Variants in LRRC61 observed in about 807,000 individuals in gnomAD.
The protein encoded by LRRC61 is leucine rich repeat containing 61.
In LRRC61, 9 loss-of-function variants were observed where a neutral mutation model predicts 15.1. The ratio of observed to expected loss-of-function variants is 0.60; its 90% confidence interval spans 0.36 to 1.04. LRRC61 has a LOEUF of 1.04. Ranked by LOEUF, LRRC61 falls within the 50% of genes least tolerant of loss-of-function variation. The pLI, the probability that LRRC61 is intolerant of heterozygous loss-of-function variation, is 0.01. For missense variants in LRRC61, 344 were observed against 335.6 expected, an observed-to-expected ratio of 1.03 and a Z score of -0.20; for synonymous variants, 173 against 158.6, an observed-to-expected ratio of 1.09 and a Z score of -0.68.
At chr7:150,311,568 T>A in the LRRC61 span, among the ~76,000 whole-genome samples, 3 of 152,176 alleles carry the variant, frequency 2.0e-5, no homozygotes. Context: ...TGGGCCCGAT[T>A]TCAACCCAGC....
In LRRC61 at chr7:150,337,624, TCTTC is replaced by T; in HGVS notation, c.768_771del (p.Phe257SerfsTer68). On this transcript the variant is annotated frameshift_variant, in exon 3 of 3. Transcript: ENST00000359623. LOFTEE classifies it high-confidence loss of function. ...GGTACTCAGCTCTGCGGGCCCCACC[TCTTC>T]CTTCGTCTTCTGAACGTGGCCTATG... The T allele has an allele frequency of 6.6e-7, 1 of 1,524,598 alleles. No individual in the cohort carries two copies. Among genetic ancestry groups the T allele is most frequent in the Non-Finnish European group, 8.8e-7 (1 of 1,138,408 alleles). 94.4% of individuals were successfully genotyped at this position (1,524,598 alleles called of 1,614,324 possible).
At chr7:150,312,878 A>T in the LRRC61 span, among the ~76,000 whole-genome samples, 1 of 152,234 alleles carries the variant, frequency 6.6e-6, no homozygotes, top group Non-Finnish European at 1.5e-5. Flanking sequence ...ATATATGTCC[A>T]GATGGCCTGC....
chr7:150,321,624 TA>T (rs771444225), upstream of LRRC61, among the ~76,000 whole-genome samples: 6 of 152,032 alleles, frequency 3.9e-5, no homozygotes, highest in Non-Finnish European at 5.9e-5. Context: ...CCTGTAGTCT[TA>T]GCTACTTGGG....
upstream of LRRC61, among the ~76,000 whole-genome samples, chr7:150,318,501 CGCCTGTAATCCCAGCACTTTG>C (rs1563215024): frequency 6.6e-6 from 1 of 152,158 alleles, no homozygotes; most frequent in Non-Finnish European, 1.5e-5. Context: ...CGGTGGCTCA[CGCCTGTAATCCCAGCACTTTG>C]GGAGGCCAAG....
chr7:150,330,567 C>T lies in LRRC61; in HGVS notation c.-145+4557C>T. 1.3e-6 allele frequency: 1 copy of T among 782,050 alleles called. No individual in the cohort carries two copies. The highest frequency in any genetic ancestry group is 1.4e-5 in the South Asian group (1 of 74,062). The allele number at this position is 782,050 out of a possible 1,614,324, so 48.4% of individuals were successfully genotyped here. ...CCAGCTGGCTGAGGGGTTGGCCCGG[C>T]AGCTCTGCACCGACTGTCAGCTCAA... On this transcript the variant is annotated intron_variant, in intron 2 of 2. Transcript: ENST00000359623. This position sits in a 1 kb window ranked among gnomAD's most constrained non-coding sequence, Gnocchi z 4.6.
At chr7:150,329,201 T>C (rs541882456) in intron 2 of LRRC61, among the ~76,000 whole-genome samples, 35 of 152,338 alleles carry the variant, frequency 2.3e-4, no homozygotes, top group African/African-American at 8.2e-4. Flanking sequence ...CCAGAAGTAT[T>C]CCTGCTATGC....
intron 1 of LRRC61, 149 bp from the exon 2 acceptor site, chr7:150,325,692 A>G (rs1797945476): frequency 1.3e-5 from 2 of 151,992 alleles, no homozygotes; most frequent in African/African-American, 2.4e-5. Flanking sequence ...GCTGGTCTCA[A>G]CCCCCTGAGT....
At chr7:150,317,503 A>G in the LRRC61 span, among the ~76,000 whole-genome samples, 1 of 152,196 alleles carries the variant, frequency 6.6e-6, no homozygotes, top group Non-Finnish European at 1.5e-5. Context: ...CACTTATGCA[A>G]TCAAGTCACT....
chr7:150,317,106 C>T, the LRRC61 span, among the ~76,000 whole-genome samples: 2 of 151,632 alleles, frequency 1.3e-5, no homozygotes, highest in African/African-American at 2.4e-5. Context: ...TTCTGTTGTG[C>T]AATGGCGTGA....
chr7:150,331,098 C>CA (rs1415686308), intron 2 of LRRC61: 7 of 1,610,244 alleles, frequency 4.3e-6, no homozygotes, highest in Non-Finnish European at 5.9e-6. Flanking sequence ...TCTTACCCCC[C>CA]ACAGGAGCCT....
chr7:150,313,753 G>A, the LRRC61 span, among the ~76,000 whole-genome samples: 4 of 152,156 alleles, frequency 2.6e-5, no homozygotes, highest in Admixed American at 6.5e-5. Context: ...GAGGGAGAGA[G>A]GGGGAGAGAG....
upstream of LRRC61, chr7:150,322,660 T>A (rs1335052736): frequency 1.3e-5 from 2 of 152,226 alleles, no homozygotes. Context: ...AAAAAATGGG[T>A]AACCAGTAGC....
chr7:150,319,499 G>A (rs899991344), upstream of LRRC61, among the ~76,000 whole-genome samples: 2 of 152,116 alleles, frequency 1.3e-5, no homozygotes, highest in African/African-American at 2.4e-5. Flanking sequence ...GAGCCACCTC[G>A]CCTGGCCCAG....
At chr7:150,323,068 A>C (rs1489497210), upstream of LRRC61, 1 of 152,902 alleles carries the variant, frequency 6.5e-6, no homozygotes, top group Non-Finnish European at 1.5e-5. Flanking sequence ...ACCTGTGACC[A>C]CCACCCAACA....
Position 150,336,614 on chromosome 7 carries a change from T to C in LRRC61, c.-144-104T>C, listed in dbSNP as rs1798299900. On this transcript the variant is annotated intron_variant, in intron 2 of 2. Transcript: ENST00000359623. Reference sequence around the variant, plus strand: ...GCTTGGTCTTCAGGTCTTGCCTGGCTGAGATTGTTGGTTTTCATGGTAAAA... The same window carrying C: ...GCTTGGTCTTCAGGTCTTGCCTGGCCGAGATTGTTGGTTTTCATGGTAAAA... 3 of 570,132 alleles carry C rather than the reference T, an allele frequency of 5.3e-6. No homozygotes were observed. In the South Asian group the frequency reaches 6.6e-5, roughly 13 times the overall value. 35.3% of individuals were successfully genotyped at this position (570,132 alleles called of 1,614,324 possible). A position where few individuals can be genotyped will look rare whatever the true frequency, so the allele number is the denominator to read the frequency against.
the LRRC61 span, among the ~76,000 whole-genome samples, chr7:150,310,378 T>A: frequency 1.8e-4 from 28 of 152,310 alleles, no homozygotes; most frequent in African/African-American, 6.5e-4. Context: ...TGAAGCCTAT[T>A]ATCACTTGCC....
At position 150,337,285 on chromosome 7, in the gene LRRC61, G is replaced by A; in HGVS notation, c.424G>A (p.Ala142Thr). 1 of 1,603,678 alleles carries A rather than the reference G, an allele frequency of 6.2e-7. No individual in the cohort carries two copies. The highest frequency in any genetic ancestry group is 8.5e-7 in the Non-Finnish European group (1 of 1,179,902). Residue 142 changes from alanine to threonine, a missense_variant, in exon 3 of 3, where the codon GCC (alanine) becomes ACC (threonine). Transcript: ENST00000359623. ...GGCCCGGCTCAGCAACCCGCTCTGT[G>A]CCAACCCCTCCTACTGGGCTGCAGT... ...PLARLSNPLC[A>T]NPSYWAAVRE...
chr7:150,315,815 A>G, the LRRC61 span, among the ~76,000 whole-genome samples: 1,185 of 147,664 alleles, frequency 8.0e-3, 21 homozygotes, highest in African/African-American at 0.027. Context: ...AGACACAAAC[A>G]CTCCCAACAC....
chr7:150,328,232 G>C (rs1798004720), intron 2 of LRRC61, among the ~76,000 whole-genome samples: 1 of 152,138 alleles, frequency 6.6e-6, no homozygotes, highest in Non-Finnish European at 1.5e-5. Flanking sequence ...AGGAAATAGA[G>C]GAAGGGGAAC....
Sources: allele counts gnomAD v4.1 joint callset (sites outside exome capture counted in the v4.1 genomes callset), GRCh38; gene constraint gnomAD v4.1.1; non-coding constraint Gnocchi (gnomAD v3.1); transcripts MANE v1.5; gene names NCBI Gene and HGNC (gene_info 2026-07-23, HGNC 2026-07-21).